Variants in OR5BS1 observed in about 807,000 individuals in gnomAD.
The protein encoded by OR5BS1 is olfactory receptor family 5 subfamily BS member 1.
At chr12:48,561,950 T>A in the OR5BS1 span, among the ~76,000 whole-genome samples, 2 of 2,550 alleles carry the variant, frequency 7.8e-4, no homozygotes, top group African/African-American at 9.0e-4. Flanking sequence ...GTAAAATGAC[T>A]ATTTTTTTTA....
At chr12:48,560,780 T>C in the OR5BS1 span, 6 of 396,512 alleles carry the variant, frequency 1.5e-5, no homozygotes, top group Non-Finnish European at 2.7e-5. Flanking sequence ...GTGCTGGCTC[T>C]ACCATGGACT....
the OR5BS1 span, chr12:48,562,694 CCTTTGCAGAGT>C: frequency 7.5e-6 from 3 of 398,616 alleles, no homozygotes; most frequent in Admixed American, 8.8e-5. Context: ...CTGAAGACCT[CCTTTGCAGAGT>C]CTTTGCAGGG....
the OR5BS1 span, among the ~76,000 whole-genome samples, chr12:48,562,528 G>A: frequency 6.6e-6 from 1 of 152,048 alleles, no homozygotes; most frequent in Non-Finnish European, 1.5e-5. Context: ...GTTCTAACCT[G>A]CAACATTTGA....
chr12:48,560,986 C>T, the OR5BS1 span, among the ~76,000 whole-genome samples: 1 of 151,842 alleles, frequency 6.6e-6, no homozygotes, highest in Non-Finnish European at 1.5e-5. Flanking sequence ...ACCTGTAGTC[C>T]TAGCTACTCG....
At chr12:48,561,100 CAAA>C in the OR5BS1 span, among the ~76,000 whole-genome samples, 23 of 109,672 alleles carry the variant, frequency 2.1e-4, no homozygotes, top group East Asian at 2.5e-4. Flanking sequence ...GAGACTAGGT[CAAA>C]AAAAAAAAAA....
the OR5BS1 span, chr12:48,560,557 C>A: frequency 2.5e-6 from 1 of 401,890 alleles, no homozygotes; most frequent in Non-Finnish European, 4.4e-6. Context: ...CATGACAGCC[C>A]TGAGGATCAA....
At chr12:48,562,056 C>G in the OR5BS1 span, among the ~76,000 whole-genome samples, 337 of 152,230 alleles carry the variant, frequency 2.2e-3, no homozygotes, top group Non-Finnish European at 3.3e-3. Context: ...ACTAGTGCTT[C>G]TTTGGAAGAT....
At chr12:48,561,627 TG>T in the OR5BS1 span, among the ~76,000 whole-genome samples, 1 of 152,202 alleles carries the variant, frequency 6.6e-6, no homozygotes, top group Admixed American at 6.5e-5. Flanking sequence ...TCGATGCCTG[TG>T]CTTTCTACTA....
chr12:48,562,756 A>T, the OR5BS1 span: 1 of 401,418 alleles, frequency 2.5e-6, no homozygotes, highest in Non-Finnish European at 4.4e-6. Context: ...AATTGTCACC[A>T]TTGTCATAAG....
At chr12:48,562,831 G>C in the OR5BS1 span, 1 of 401,962 alleles carries the variant, frequency 2.5e-6, no homozygotes. Flanking sequence ...CCTAGAACAA[G>C]TGCTCTCCGT....
the OR5BS1 span, among the ~76,000 whole-genome samples, chr12:48,561,909 G>C: frequency 6.6e-6 from 1 of 151,826 alleles, no homozygotes; most frequent in Admixed American, 6.6e-5. Context: ...AGAAATGTTA[G>C]AAAGAATAAG....
the OR5BS1 span, among the ~76,000 whole-genome samples, chr12:48,560,953 A>G: frequency 1.3e-5 from 2 of 152,128 alleles, no homozygotes; most frequent in Non-Finnish European, 2.9e-5. Context: ...AAATATAAAA[A>G]TCAGCCAGGT....
chr12:48,562,240 A>G, the OR5BS1 span, among the ~76,000 whole-genome samples: 1 of 152,212 alleles, frequency 6.6e-6, no homozygotes, highest in Non-Finnish European at 1.5e-5. Flanking sequence ...CTTTATACAA[A>G]TAACAGGCAA....
chr12:48,561,790 A>G, the OR5BS1 span, among the ~76,000 whole-genome samples: 1 of 152,158 alleles, frequency 6.6e-6, no homozygotes, highest in Admixed American at 6.5e-5. Context: ...TAAAATAAAT[A>G]AATAAATAAA....
At chr12:48,560,727 G>C in the OR5BS1 span, 4 of 399,388 alleles carry the variant, frequency 1.0e-5, no homozygotes, top group South Asian at 1.4e-4. Flanking sequence ...TGGCAGAAGA[G>C]AGCATTACAA....
At chr12:48,559,972 T>A in the OR5BS1 span, 1 of 402,758 alleles carries the variant, frequency 2.5e-6, no homozygotes, top group Non-Finnish European at 4.4e-6. Flanking sequence ...CTTTGTTCTG[T>A]TCCTGGTGAT....
At chr12:48,562,090 T>C in the OR5BS1 span, among the ~76,000 whole-genome samples, 3 of 152,168 alleles carry the variant, frequency 2.0e-5, no homozygotes, top group African/African-American at 7.2e-5. Context: ...CTTAGCAAAA[T>C]GTACCCAAGA....
At chr12:48,562,691 C>T in the OR5BS1 span, 1 of 398,364 alleles carries the variant, frequency 2.5e-6, no homozygotes, top group Non-Finnish European at 4.4e-6. Flanking sequence ...GCTCTGAAGA[C>T]CTCCTTTGCA....
chr12:48,562,834 C>T, the OR5BS1 span: 4 of 401,858 alleles, frequency 1.0e-5, no homozygotes, highest in Non-Finnish European at 1.8e-5. Flanking sequence ...AGAACAAGTG[C>T]TCTCCGTGCA....
Sources: allele counts gnomAD v4.1 joint callset (sites outside exome capture counted in the v4.1 genomes callset), GRCh38; gene constraint gnomAD v4.1.1; transcripts MANE v1.5; gene names NCBI Gene and HGNC (gene_info 2026-07-23, HGNC 2026-07-21).